Variants in SHANK2 observed in about 807,000 individuals in gnomAD.
SHANK2 encodes the protein SH3 and multiple ankyrin repeat domains protein 2.
SHANK2 carries 43 observed loss-of-function variants against 133.7 expected under a neutral mutation model. That is an observed-to-expected ratio of 0.32 (90% CI 0.25 to 0.41). SHANK2 has a LOEUF of 0.41. Among genes scored for constraint, SHANK2 ranks in the 10% least tolerant of loss-of-function variants. SHANK2 has a pLI of 1.00. For missense variants in SHANK2, 1,994 were observed against 2,235.8 expected (o/e 0.89, Z 2.18); for synonymous variants, 1,017 against 952.8 (o/e 1.07, Z -1.24).
intron 2 of SHANK2, among the ~76,000 whole-genome samples, chr11:71,194,678 A>C (rs1953862950): frequency 6.6e-6 from 1 of 152,162 alleles, no homozygotes; most frequent in South Asian, 2.1e-4. Context: ...ATGTCTAAAG[A>C]CCACAAAGAA....
chr11:70,473,023 T>C lies in SHANK2; in HGVS notation c.5396A>G (p.Asn1799Ser). 1 of 1,614,232 alleles carries C rather than the reference T, an allele frequency of 6.2e-7. No homozygotes were observed. Among genetic ancestry groups the C allele is most frequent in the Non-Finnish European group, 8.5e-7 (1 of 1,180,046 alleles). Residue 1799 changes from asparagine (N) to serine (S), a missense_variant, in exon 26 of 26, where the codon AAC (asparagine) becomes AGC (serine). Asn to Ser is a conservative substitution (Grantham distance 46, BLOSUM62 1). Around this residue, in one of 5 missense-constraint regions of SHANK2, gnomAD observed 42 missense variants for 79.9 expected, o/e 0.53. Transcript: ENST00000601538. The surrounding 1 kb of genome is among the most constrained non-coding windows in gnomAD (Gnocchi z 5.9). ...GAAGGCCTCTTTATGTTCACCCAAG[T>C]TTAGACTTTCCAGCCAATCGGCCAC... ...PDVADWLESL[N>S]LGEHKEAFMD...
At chr11:70,769,498 C>T (rs1555042179) in intron 14 of SHANK2, among the ~76,000 whole-genome samples, 1 of 152,158 alleles carries the variant, frequency 6.6e-6, no homozygotes, top group East Asian at 1.9e-4. Context: ...GCTGGAGCTG[C>T]AGGGTGACCT....
chr11:70,832,885 C>A (rs1948746058), intron 11 of SHANK2, among the ~76,000 whole-genome samples: 1 of 152,256 alleles, frequency 6.6e-6, no homozygotes, highest in African/African-American at 2.4e-5. Flanking sequence ...AGCGTCCTCA[C>A]TGCATCTGCA....
At chr11:70,621,562 TGGAA>T (rs1565187536) in intron 17 of SHANK2, among the ~76,000 whole-genome samples, 1 of 151,994 alleles carries the variant, frequency 6.6e-6, no homozygotes, top group African/African-American at 2.4e-5. Flanking sequence ...GTGGACTGGG[TGGAA>T]GGAAGGAAGG....
At chr11:70,594,728 TAC>T (rs2060374215) in intron 17 of SHANK2, among the ~76,000 whole-genome samples, 2 of 152,144 alleles carry the variant, frequency 1.3e-5, no homozygotes, top group African/African-American at 4.8e-5. Context: ...TCACTGATTA[TAC>T]ACACTGAGTG....
rs138356221 is a variant in SHANK2, at chr11:70,848,762, C to T, written c.1175-28080G>A. On this transcript the variant is annotated intron_variant, in intron 11 of 25. Transcript: ENST00000601538. ...GAGAAGCTTGGGCAGGGATGTACCA[C>T]GTCCAGTGATGCAAGCCACCCTCAA... is the stretch of plus-strand genomic sequence containing the variant. Among the ~76,000 whole-genome samples the T allele has an allele frequency of 1.9e-3, 291 of 152,296 alleles. 1 individual carries two copies. The highest frequency in any genetic ancestry group is 5.4e-3 in the Admixed American group (82 of 15,306).
At chr11:70,489,445 C>G (rs1385709276) in intron 23 of SHANK2, 97 bp from the exon 24 acceptor site, 2 of 1,141,674 alleles carry the variant, frequency 1.8e-6, no homozygotes, top group East Asian at 4.7e-5. Flanking sequence ...TTAAGCACAG[C>G]AGACACCACC....
intron 17 of SHANK2, among the ~76,000 whole-genome samples, chr11:70,612,308 C>G (rs557372257): frequency 6.6e-6 from 1 of 152,208 alleles, no homozygotes. Context: ...GGAAGCCTAC[C>G]TGTAGCCCCC....
At chr11:70,641,821 G>A (rs1044716576) in intron 17 of SHANK2, among the ~76,000 whole-genome samples, 4 of 152,164 alleles carry the variant, frequency 2.6e-5, no homozygotes, top group Non-Finnish European at 5.9e-5. Context: ...GTCTAAAATG[G>A]GTGCAGTTCT....
chr11:70,558,914 GCACA>G (rs2059869331), intron 17 of SHANK2, among the ~76,000 whole-genome samples: 1 of 152,230 alleles, frequency 6.6e-6, no homozygotes, highest in East Asian at 1.9e-4. Flanking sequence ...CAGCGCGTCT[GCACA>G]CGGAAGAGAG....
rs144192633 is a variant in SHANK2, at chr11:71,246,551, C to G, written c.-113+5874G>C. Among the ~76,000 whole-genome samples, 101 of 152,308 alleles carry G rather than the reference C, an allele frequency of 6.6e-4. 2 individuals are homozygous for G. The Middle Eastern group carries it at 0.01, about 15-fold the overall frequency. ...CAGGTGTAATCTTGTGAACTAAGAT[C>G]TCCCTTGCAGGGGGCTTCAAACTGA... On this transcript the variant is annotated intron_variant, in intron 1 of 25. Coordinates refer to ENST00000601538, the MANE Select transcript of SHANK2 (RefSeq NM_012309.5).
chr11:70,786,382 A>G (rs562753541), intron 14 of SHANK2, among the ~76,000 whole-genome samples: 1 of 152,292 alleles, frequency 6.6e-6, no homozygotes, highest in East Asian at 1.9e-4. Flanking sequence ...CTGTAGCCAC[A>G]GTGCCCTGCA....
At position 71,113,236 on chromosome 11, in the gene SHANK2, A is replaced by G. The variant is rs928160304; in HGVS notation, c.483+57T>C. 22 of 1,440,474 alleles carry G rather than the reference A, an allele frequency of 1.5e-5. No homozygotes were observed. In the African/African-American group the frequency reaches 2.8e-4, roughly 19 times the overall value. The allele number at this position is 1,440,474 out of a possible 1,614,324, so 89.2% of individuals were successfully genotyped here. ...GAGCGTCTAAAGATAACACAACAAG[A>G]TAACAAGGAGGACGCCGCCTGCCTA... On this transcript the variant is annotated intron_variant, in intron 5 of 25. Transcript: ENST00000601538.
chr11:70,608,382 A>C (rs1321465858), intron 17 of SHANK2, among the ~76,000 whole-genome samples: 1 of 152,136 alleles, frequency 6.6e-6, no homozygotes, highest in African/African-American at 2.4e-5. Flanking sequence ...CAGGCTTCCA[A>C]GGCCACCTGG....
At chr11:71,145,994 C>T (rs1952635329) in intron 3 of SHANK2, among the ~76,000 whole-genome samples, 1 of 152,348 alleles carries the variant, frequency 6.6e-6, no homozygotes, top group East Asian at 1.9e-4. Flanking sequence ...CACCCAGATG[C>T]CCCTCTGAGT....
rs560296610 is a variant in SHANK2 at position 70,919,000 on chromosome 11, C to CA, written c.1108-22434dup. 4.7e-3 allele frequency among the ~76,000 whole-genome samples: 708 copies of CA among 151,910 alleles called. 1 individual carries two copies. The highest frequency in any genetic ancestry group is 6.9e-3 in the Non-Finnish European group (469 of 67,958). On this transcript the variant is annotated intron_variant, in intron 10 of 25. Coordinates refer to ENST00000601538, the MANE Select transcript of SHANK2 (RefSeq NM_012309.5). ...ACAGCATAATAAGACCCCATTTCTACAAAAAAATTAAAAATGTACCGGGTG... is the reference window on the plus strand; with the variant it reads ...ACAGCATAATAAGACCCCATTTCTACAAAAAAAATTAAAAATGTACCGGGTG...
chr11:70,911,963 T>A (rs1555079094), intron 10 of SHANK2, among the ~76,000 whole-genome samples: 6 of 151,306 alleles, frequency 4.0e-5, no homozygotes. Context: ...GCACCTGTAA[T>A]CCCAGCTACT....
At chr11:70,713,247 A>G (rs782394366) in intron 14 of SHANK2, among the ~76,000 whole-genome samples, 1 of 152,218 alleles carries the variant, frequency 6.6e-6, no homozygotes, top group African/African-American at 2.4e-5. Context: ...CCATCCTCCA[A>G]TAAACAGAAA....
At chr11:70,822,818 G>A (rs1948555651) in intron 11 of SHANK2, among the ~76,000 whole-genome samples, 1 of 117,392 alleles carries the variant, frequency 8.5e-6, no homozygotes, top group African/African-American at 3.4e-5. Flanking sequence ...GACAGAGGTG[G>A]CGCTGGCAGA....
Sources: allele counts gnomAD v4.1 joint callset (sites outside exome capture counted in the v4.1 genomes callset), GRCh38; gene constraint gnomAD v4.1.1; regional missense constraint gnomAD v4.1.1; non-coding constraint Gnocchi (gnomAD v3.1); transcripts MANE v1.5; gene names NCBI Gene and HGNC (gene_info 2026-07-23, HGNC 2026-07-21).